The following PAM variants were observed in gnomAD, a reference collection of about 807,000 sequenced individuals.
PAM encodes the protein peptidylglycine alpha-amidating monooxygenase.
PAM carries 72 observed loss-of-function variants against 122.1 expected under a neutral mutation model. The ratio of observed to expected loss-of-function variants is 0.59; its 90% CI spans 0.49 to 0.72. PAM has a LOEUF of 0.72. Ranked by LOEUF, PAM falls within the 30% of genes least tolerant of loss-of-function variation. PAM has a pLI of 0.00. For missense variants in PAM, 1,106 were observed against 1,183.7 expected (o/e 0.93, Z 0.96); for synonymous variants, 389 against 404.4 (o/e 0.96, Z 0.46).
Position 103,017,386 on chromosome 5 carries a change from T to G in PAM, c.2384T>G (p.Ile795Ser). 1 of 1,612,158 alleles carries G rather than the reference T, an allele frequency of 6.2e-7. No homozygotes were observed. The highest frequency in any genetic ancestry group is 8.5e-7 in the Non-Finnish European group (1 of 1,178,316). Residue 795 changes from isoleucine to serine, a missense_variant, in exon 22 of 26, where the codon ATT (isoleucine) becomes AGT (serine). Transcript: ENST00000438793. ...GCATCTGAAGATGGGACTGTGTACA[T>G]TGGAGATGCTCATACCAACACCGTG... is the stretch of plus-strand genomic sequence containing the variant. ...IVASEDGTVY[I>S]GDAHTNTVWK...
At chr5:102,948,132 G>A (rs893048972) in intron 8 of PAM, among the ~76,000 whole-genome samples, 4 of 152,100 alleles carry the variant, frequency 2.6e-5, no homozygotes, top group Non-Finnish European at 5.9e-5. Context: ...CTAGACTGGT[G>A]TTTGACCAAA....
rs1040762123 is a variant in PAM at position 102,879,004 on chromosome 5, C to G, written c.210+11611C>G. ...AGTGCAGTGGCAAGATCTACGTTCA[C>G]TGCAAGCTCCTCCTCCCAGGTTCAC... On this transcript the variant is annotated intron_variant, in intron 3 of 25. Coordinates refer to ENST00000438793, the MANE Select transcript of PAM (RefSeq NM_001177306.2). 7.2e-5 allele frequency among the ~76,000 whole-genome samples: 11 copies of G among 152,098 alleles called. 1 individual carries two copies. The highest frequency in any genetic ancestry group is 6.5e-4 in the Admixed American group (10 of 15,282).
intron 3 of PAM, among the ~76,000 whole-genome samples, chr5:102,874,345 CAAATT>C (rs1272958598): frequency 6.6e-6 from 1 of 152,154 alleles, no homozygotes; most frequent in Admixed American, 6.5e-5. Context: ...TTGTAAACGA[CAAATT>C]AAAGTCACTT....
At chr5:102,850,242 T>C (rs1287303217) in intron 1 of PAM, among the ~76,000 whole-genome samples, 1 of 152,210 alleles carries the variant, frequency 6.6e-6, no homozygotes, top group South Asian at 2.1e-4. Context: ...AGCTTTCTTC[T>C]GAACTGAGGA....
intron 1 of PAM, among the ~76,000 whole-genome samples, chr5:102,862,331 C>T (rs1177910686): frequency 6.6e-6 from 1 of 151,662 alleles, no homozygotes; most frequent in Non-Finnish European, 1.5e-5. Context: ...AGTTCTTTGC[C>T]ATTATAAACA....
Position 102,949,905 on chromosome 5 carries a change from A to C in PAM, c.728A>C (p.Lys243Thr), listed in dbSNP as rs1758229277. 1.3e-6 allele frequency: 2 copies of C among 1,525,942 alleles called. No individual in the cohort carries two copies. Among genetic ancestry groups the C allele is most frequent in the Non-Finnish European group, 1.8e-6 (2 of 1,102,482 alleles). The allele number at this position is 1,525,942 out of a possible 1,614,324, so 94.5% of individuals were successfully genotyped here. Residue 243 changes from lysine (K) to threonine (T), a missense_variant, in exon 11 of 26, where the codon AAG becomes ACG. Physicochemically the swap from Lys to Thr is moderately conservative, Grantham distance 78. Coordinates refer to ENST00000438793, the MANE Select transcript of PAM (RefSeq NM_001177306.2). Reference sequence around the variant, plus strand: ...TTAAAATTTGTGTTTATTACAGGTAAGGTAGTAAGTGGATACAGAGTAAGA... The same window carrying C: ...TTAAAATTTGTGTTTATTACAGGTACGGTAGTAAGTGGATACAGAGTAAGA... ...AYRVHTHHLG[K>T]VVSGYRVRNG...
At chr5:102,885,094 T>TATATATATATATATATAAAA (rs60241746) in intron 3 of PAM, among the ~76,000 whole-genome samples, 40 of 147,852 alleles carry the variant, frequency 2.7e-4, no homozygotes, top group African/African-American at 9.6e-4. Flanking sequence ...TATATATATA[T>TATATATATATATATATAAAA]AACTATAAAA....
chr5:102,842,968 G>A (rs1779021077), intron 1 of PAM, among the ~76,000 whole-genome samples: 1 of 152,216 alleles, frequency 6.6e-6, no homozygotes, highest in Non-Finnish European at 1.5e-5. Flanking sequence ...GGAAGAGGAA[G>A]AGGAGAAAAA....
intron 12 of PAM, among the ~76,000 whole-genome samples, chr5:102,954,790 T>C (rs1476252282): frequency 2.0e-5 from 3 of 152,112 alleles, no homozygotes; most frequent in African/African-American, 7.2e-5. Flanking sequence ...AAAGTTTATA[T>C]GCTAAAATTT....
Position 102,901,373 on chromosome 5 carries a change from C to A in PAM, c.228C>A (p.Cys76Ter). 6.3e-7 allele frequency: 1 copy of A among 1,579,456 alleles called. No homozygotes were observed. Among genetic ancestry groups the A allele is most frequent in the Non-Finnish European group, 8.7e-7 (1 of 1,150,056 alleles). Residue 76 changes from cysteine (C) to a stop codon, truncating the protein, a stop_gained, in exon 4 of 26, where the codon TGC (cysteine) becomes TGA (stop). Transcript: ENST00000438793. LOFTEE classifies it high-confidence loss of function. Reference protein sequence around the residue: ...VTPKQSDTYFCMSMRIPVDEE... With the variant: ...VTPKQSDTYF ...TTTAATAGTCCGATACATACTTCTGCATGTCTATGCGAATACCAGTGGATG... is the reference window on the plus strand; with the variant it reads ...TTTAATAGTCCGATACATACTTCTGAATGTCTATGCGAATACCAGTGGATG...
Position 102,913,957 on chromosome 5 carries a change from A to G in PAM, c.292A>G (p.Met98Val). The G allele has an allele frequency of 2.5e-6, 4 of 1,606,838 alleles. No individual in the cohort carries two copies. Among genetic ancestry groups the G allele is most frequent in the Non-Finnish European group, 2.6e-6 (3 of 1,173,632 alleles). Residue 98 changes from methionine to valine, a missense_variant, in exon 5 of 26, where the codon ATG (methionine) becomes GTG (valine). By Grantham distance (21) the Met-to-Val change is conservative. Coordinates refer to ENST00000438793, the MANE Select transcript of PAM (RefSeq NM_001177306.2). The part of the protein sequence containing the change: ...FVIDFKPRAS[M>V]DTVHHMLLFG... ...AGTTGACTTCAAGCCTCGAGCCAGC[A>G]TGGATACTGTCCATCACATGTTACT...
chr5:102,905,119 A>C (rs1799145600), intron 4 of PAM, among the ~76,000 whole-genome samples: 1 of 151,660 alleles, frequency 6.6e-6, no homozygotes, highest in Admixed American at 6.6e-5. Flanking sequence ...TTTTAATAAG[A>C]AACCATAGAA....
intron 16 of PAM, among the ~76,000 whole-genome samples, chr5:102,994,326 T>A (rs541333658): frequency 1.3e-5 from 2 of 152,172 alleles, no homozygotes; most frequent in Non-Finnish European, 2.9e-5. Flanking sequence ...TAATACAGGA[T>A]TAATTTATTC....
chr5:102,914,102 A>G (rs954876181), intron 5 of PAM, 81 bp downstream of exon 5: 2 of 750,300 alleles, frequency 2.7e-6, no homozygotes, highest in Non-Finnish European at 4.8e-6. Flanking sequence ...CAAGTATTTT[A>G]CAACTAGTTA....
In PAM at chr5:102,935,626, C is replaced by G. The variant is rs147462847; in HGVS notation, c.526+8958C>G. ...ATCGCTCGACAGTTTTTCCAGTTTA[C>G]AATCCCATATCCTTGGGCAATGAGC... On this transcript the variant is annotated intron_variant, in intron 7 of 25. Coordinates refer to ENST00000438793, the MANE Select transcript of PAM (RefSeq NM_001177306.2). Among the ~76,000 whole-genome samples the G allele has an allele frequency of 6.6e-3, 1,012 of 152,252 alleles. 8 individuals are homozygous for G. Among genetic ancestry groups the G allele is most frequent in the Non-Finnish European group, 0.012 (845 of 68,024 alleles).
At chr5:102,942,895 C>T (rs1755765456) in intron 7 of PAM, among the ~76,000 whole-genome samples, 1 of 151,918 alleles carries the variant, frequency 6.6e-6, no homozygotes, top group Non-Finnish European at 1.5e-5. Flanking sequence ...GAAGATGTTA[C>T]TTCTTTTTGT....
intron 14 of PAM, among the ~76,000 whole-genome samples, chr5:102,966,720 T>A (rs1464771350): frequency 6.6e-6 from 1 of 152,194 alleles, no homozygotes; most frequent in Admixed American, 6.5e-5. Flanking sequence ...ATCAGTTATG[T>A]TCCATGGCTC....
intron 1 of PAM, among the ~76,000 whole-genome samples, chr5:102,855,805 C>T (rs1362781433): frequency 6.6e-6 from 1 of 152,118 alleles, no homozygotes; most frequent in Non-Finnish European, 1.5e-5. Flanking sequence ...CTTCAGACCA[C>T]ATCCACTGAA....
intron 3 of PAM, among the ~76,000 whole-genome samples, chr5:102,892,716 A>G (rs994806749): frequency 1.3e-5 from 2 of 151,874 alleles, no homozygotes; most frequent in African/African-American, 4.8e-5. Flanking sequence ...AATTCTGCTA[A>G]TAGTTGCCAT....
Sources: allele counts gnomAD v4.1 joint callset (sites outside exome capture counted in the v4.1 genomes callset), GRCh38; gene constraint gnomAD v4.1.1; transcripts MANE v1.5; gene names NCBI Gene and HGNC (gene_info 2026-07-23, HGNC 2026-07-21).